The following TMEM132D variants were observed in gnomAD, a reference collection of about 807,000 sequenced individuals.
TMEM132D encodes the protein mature OL transmembrane protein.
Under a neutral mutation model 62.3 loss-of-function variants are expected in TMEM132D, and 21 were observed. That is an observed-to-expected ratio of 0.34 (90% CI 0.24 to 0.49). The LOEUF (loss-of-function observed/expected upper bound fraction) is 0.49. Ranked by LOEUF, TMEM132D falls within the 20% of genes least tolerant of loss-of-function variation. The pLI, the probability that TMEM132D is intolerant of heterozygous loss-of-function variation, is 0.99. For missense variants in TMEM132D, 1,346 were observed against 1,402.8 expected (o/e 0.96, Z 0.65); for synonymous variants, 621 against 575.6 (o/e 1.08, Z -1.13).
At chr12:129,423,525 T>G (rs1490698713) in intron 3 of TMEM132D, among the ~76,000 whole-genome samples, 1 of 152,112 alleles carries the variant, frequency 6.6e-6, no homozygotes, top group African/African-American at 2.4e-5. Flanking sequence ...TAGGGCTCTA[T>G]GGAAAAGGAC....
intron 5 of TMEM132D, among the ~76,000 whole-genome samples, chr12:129,136,511 G>T (rs905014826): frequency 6.6e-6 from 1 of 152,180 alleles, no homozygotes; most frequent in African/African-American, 2.4e-5. Flanking sequence ...CCACAGAGGT[G>T]ATTTGCCTTT....
intron 5 of TMEM132D, among the ~76,000 whole-genome samples, chr12:129,166,807 A>G (rs925978140): frequency 2.0e-5 from 3 of 148,526 alleles, no homozygotes; most frequent in Non-Finnish European, 4.4e-5. Context: ...ATATATATAT[A>G]TATTTCAGTT....
At chr12:129,819,750 A>T (rs1040857453) in intron 1 of TMEM132D, among the ~76,000 whole-genome samples, 1 of 152,128 alleles carries the variant, frequency 6.6e-6, no homozygotes, top group African/African-American at 2.4e-5. Context: ...TATTATTCCT[A>T]GTACCAGCAC....
At chr12:129,721,991 G>GCATGGA (rs567328968) in intron 1 of TMEM132D, among the ~76,000 whole-genome samples, 278 of 152,308 alleles carry the variant, frequency 1.8e-3, no homozygotes, top group African/African-American at 6.3e-3. Context: ...TAATCCTGCA[G>GCATGGA]CATGGAGTAA....
intron 4 of TMEM132D, among the ~76,000 whole-genome samples, chr12:129,293,157 G>A (rs1479731082): frequency 6.6e-6 from 1 of 152,122 alleles, no homozygotes; most frequent in African/African-American, 2.4e-5. Flanking sequence ...GTGGTACGGA[G>A]GCAGTGCAAG....
At chr12:129,201,764 T>A (rs1310387639) in intron 5 of TMEM132D, among the ~76,000 whole-genome samples, 1 of 150,496 alleles carries the variant, frequency 6.6e-6, no homozygotes, top group Non-Finnish European at 1.5e-5. Context: ...AGAGAAAGAT[T>A]GGGGGTAGGG....
chr12:129,120,497 T>A (rs1876024970), intron 5 of TMEM132D, among the ~76,000 whole-genome samples: 1 of 152,144 alleles, frequency 6.6e-6, no homozygotes, highest in African/African-American at 2.4e-5. Flanking sequence ...AAAATCTACC[T>A]GGCCATACTC....
intron 5 of TMEM132D, among the ~76,000 whole-genome samples, chr12:129,183,323 G>A (rs1032477401): frequency 1.3e-5 from 2 of 152,142 alleles, no homozygotes; most frequent in African/African-American, 2.4e-5. Flanking sequence ...GGCCGCTGTC[G>A]AGAGGTTGCT....
Position 129,848,384 on chromosome 12 carries a change from A to T in TMEM132D, c.79+54877T>A, listed in dbSNP as rs143869340. Among the ~76,000 whole-genome samples the T allele has an allele frequency of 2.1e-3, 323 of 152,320 alleles. 2 individuals are homozygous for T. The highest frequency in any genetic ancestry group is 7.5e-3 in the African/African-American group (313 of 41,578). On this transcript the variant is annotated intron_variant, in intron 1 of 8. Transcript: ENST00000422113. ...AGTGACAATTTTTCTTCTTCGATAG[A>T]TAATAAGAACTGTCTCCCGGTACCG...
chr12:129,537,383 C>T (rs893534283), intron 2 of TMEM132D, among the ~76,000 whole-genome samples: 9 of 152,054 alleles, frequency 5.9e-5, no homozygotes, highest in East Asian at 1.9e-4. Context: ...GCTCACCCCA[C>T]GATAAAGGAG....
chr12:129,747,612 C>A (rs1301619720), intron 1 of TMEM132D, among the ~76,000 whole-genome samples: 1 of 150,390 alleles, frequency 6.6e-6, no homozygotes, highest in Admixed American at 6.6e-5. Context: ...GACATACAGA[C>A]ACACACAACA....
At chr12:129,608,882 G>C (rs1350457566) in intron 2 of TMEM132D, among the ~76,000 whole-genome samples, 1 of 151,938 alleles carries the variant, frequency 6.6e-6, no homozygotes, top group African/African-American at 2.4e-5. Flanking sequence ...CAGATTCCTA[G>C]GCCCCACCCC....
At chr12:129,157,371 A>G (rs1228619942) in intron 5 of TMEM132D, among the ~76,000 whole-genome samples, 1 of 152,210 alleles carries the variant, frequency 6.6e-6, no homozygotes, top group East Asian at 1.9e-4. Context: ...ACATCCTATT[A>G]TTTTCAATGC....
At chr12:129,112,165 C>T (rs1300237305) in intron 5 of TMEM132D, among the ~76,000 whole-genome samples, 10 of 152,162 alleles carry the variant, frequency 6.6e-5, no homozygotes, top group Non-Finnish European at 1.3e-4. Context: ...CTCTCTGTTG[C>T]TTGCAAATGA....
At chr12:129,159,765 AAAAAAAAAAAAAG>A (rs1219945521) in intron 5 of TMEM132D, among the ~76,000 whole-genome samples, 1 of 144,436 alleles carries the variant, frequency 6.9e-6, no homozygotes, top group African/African-American at 2.5e-5. Flanking sequence ...GCTCAAAAAA[AAAAAAAAAAAAAG>A]AAAGAAAATT....
At chr12:129,227,657 G>T (rs1429028890) in intron 4 of TMEM132D, among the ~76,000 whole-genome samples, 2 of 151,666 alleles carry the variant, frequency 1.3e-5, no homozygotes, top group African/African-American at 2.4e-5. Context: ...GTGCAGGTTT[G>T]TTACATAGGT....
intron 7 of TMEM132D, 119 bp from the exon 8 acceptor site, chr12:129,078,844 A>T: frequency 1.0e-6 from 1 of 983,898 alleles, no homozygotes; most frequent in East Asian, 2.5e-5. Flanking sequence ...GCCAGAATGA[A>T]TGAGAACAGG....
intron 3 of TMEM132D, among the ~76,000 whole-genome samples, chr12:129,381,655 C>A (rs1870955846): frequency 6.6e-6 from 1 of 152,076 alleles, no homozygotes; most frequent in Admixed American, 6.5e-5. Flanking sequence ...GAGTTCTCTG[C>A]ACACTCCTTT....
At chr12:129,535,178 C>G (rs961049063) in intron 2 of TMEM132D, among the ~76,000 whole-genome samples, 1 of 152,170 alleles carries the variant, frequency 6.6e-6, no homozygotes, top group Non-Finnish European at 1.5e-5. Context: ...TCATGACCAT[C>G]CCAGCCAAGA....
Sources: allele counts gnomAD v4.1 joint callset (sites outside exome capture counted in the v4.1 genomes callset), GRCh38; gene constraint gnomAD v4.1.1; transcripts MANE v1.5; gene names NCBI Gene and HGNC (gene_info 2026-07-23, HGNC 2026-07-21).